Variants in ZNF787 observed in about 807,000 individuals in gnomAD.
ZNF787 encodes TTF-I-interacting peptide 20.
ZNF787 carries 7 observed loss-of-function variants against 16.9 expected under a neutral mutation model. The observed-to-expected ratio is 0.42, with a 90% CI of 0.24 to 0.78. The LOEUF (loss-of-function observed/expected upper bound fraction) is 0.78. Ranked by LOEUF, ZNF787 falls within the 30% of genes least tolerant of loss-of-function variation. ZNF787 has a pLI of 0.30. For missense variants in ZNF787, 551 were observed against 589.3 expected (o/e 0.94, Z 0.67); for synonymous variants, 345 against 270.9 (o/e 1.27, Z -2.69).
intron 2 of ZNF787, among the ~76,000 whole-genome samples, chr19:56,100,613 A>C (rs1185638576): frequency 2.6e-5 from 4 of 151,966 alleles, no homozygotes; most frequent in African/African-American, 7.2e-5. Flanking sequence ...AAAAGGGACC[A>C]CACACGCCAT....
chr19:56,101,034 T>C (rs111527235), intron 2 of ZNF787, among the ~76,000 whole-genome samples: 2 of 132,230 alleles, frequency 1.5e-5, no homozygotes. Flanking sequence ...CTACGAAGTC[T>C]GTCACTGTCA....
At chr19:56,112,200 A>C (rs1195771390) in intron 1 of ZNF787, among the ~76,000 whole-genome samples, 1 of 152,132 alleles carries the variant, frequency 6.6e-6, no homozygotes, top group African/African-American at 2.4e-5. Context: ...GCTCCCTAGG[A>C]GAAGGCCCCC....
intron 2 of ZNF787, among the ~76,000 whole-genome samples, chr19:56,092,753 G>A (rs1985675564): frequency 6.6e-6 from 1 of 150,872 alleles, no homozygotes; most frequent in Non-Finnish European, 1.5e-5. Flanking sequence ...GGATGACAGA[G>A]CTGGAATATC....
chr19:56,092,797 C>A (rs779488454), intron 2 of ZNF787, among the ~76,000 whole-genome samples: 5 of 151,706 alleles, frequency 3.3e-5, no homozygotes, highest in Non-Finnish European at 7.4e-5. Context: ...ACTGGGATAC[C>A]CCATAGACGC....
intron 1 of ZNF787, among the ~76,000 whole-genome samples, chr19:56,107,505 C>CCA (rs879905042): frequency 7.4e-6 from 1 of 135,234 alleles, no homozygotes; most frequent in African/African-American, 3.4e-5. Context: ...CACGGGGTCA[C>CCA]TGTGAGACAA....
chr19:56,100,639 C>T (rs1229075241), intron 2 of ZNF787, among the ~76,000 whole-genome samples: 3 of 151,684 alleles, frequency 2.0e-5, no homozygotes, highest in Non-Finnish European at 2.9e-5. Flanking sequence ...GGCCAACACC[C>T]GCCACCCCAC....
chr19:56,098,130 G>T (rs896965309), intron 2 of ZNF787, among the ~76,000 whole-genome samples: 2 of 152,050 alleles, frequency 1.3e-5, no homozygotes, highest in Non-Finnish European at 2.9e-5. Flanking sequence ...ATGTGCCAGG[G>T]GTTCCTGGCA....
intron 1 of ZNF787, among the ~76,000 whole-genome samples, chr19:56,115,613 A>G (rs2030111335): frequency 6.6e-6 from 1 of 150,960 alleles, no homozygotes; most frequent in South Asian, 2.1e-4. Flanking sequence ...TCACACCTGG[A>G]CTCGCGCAGC....
intron 1 of ZNF787, among the ~76,000 whole-genome samples, chr19:56,117,552 T>C (rs2123433730): frequency 6.6e-6 from 1 of 152,284 alleles, no homozygotes; most frequent in East Asian, 1.9e-4. Flanking sequence ...AGCCACAACG[T>C]AGGAGGCTGG....
chr19:56,108,596 T>G (rs1599954621), intron 1 of ZNF787, among the ~76,000 whole-genome samples: 1 of 151,982 alleles, frequency 6.6e-6, no homozygotes, highest in South Asian at 2.1e-4. Context: ...CGGCACCCTG[T>G]CATGTCAGGG....
intron 1 of ZNF787, among the ~76,000 whole-genome samples, chr19:56,109,163 A>G (rs1014183911): frequency 1.3e-5 from 2 of 152,166 alleles, no homozygotes; most frequent in Non-Finnish European, 2.9e-5. Context: ...ATAACAGGTA[A>G]TTACGTCTGT....
Position 56,089,011 on chromosome 19 carries a change from G to C in ZNF787, c.161C>G (p.Ala54Gly), listed in dbSNP as rs969705656. ...KLSPPQSAPP[A>G]GPPPRPRPPA... ...CGGCCGCGGCCGGGGAGGCGGGCCG[G>C]CTGGGGGCGCAGACTGGGGCGGGGA... Residue 54 changes from alanine to glycine, a missense_variant, in exon 3 of 3, where the codon GCC (alanine) becomes GGC (glycine). Ala to Gly is a moderately conservative substitution (Grantham distance 60). Transcript: ENST00000610935. 2.0e-6 allele frequency: 3 copies of C among 1,487,016 alleles called. No homozygotes were observed. Among genetic ancestry groups the C allele is most frequent in the Admixed American group, 4.9e-5 (2 of 40,468 alleles). The allele number at this position is 1,487,016 out of a possible 1,614,324, so 92.1% of individuals were successfully genotyped here. A position where few individuals can be genotyped will look rare whatever the true frequency, so the allele number is the denominator to read the frequency against.
intron 1 of ZNF787, among the ~76,000 whole-genome samples, chr19:56,109,506 C>G (rs142940888): frequency 1.3e-5 from 2 of 152,340 alleles, no homozygotes; most frequent in Non-Finnish European, 2.9e-5. Context: ...ATTTTAGTTA[C>G]TTTTTCACAG....
At chr19:56,117,491 C>T (rs1202336248) in intron 1 of ZNF787, among the ~76,000 whole-genome samples, 1 of 151,788 alleles carries the variant, frequency 6.6e-6, no homozygotes, top group Non-Finnish European at 1.5e-5. Flanking sequence ...TACAATCTCA[C>T]ACAGCCACAG....
At chr19:56,105,552 T>G (rs1319846472) in intron 1 of ZNF787, 1 of 151,986 alleles carries the variant, frequency 6.6e-6, no homozygotes, top group African/African-American at 2.4e-5. Context: ...GATTTGGGGC[T>G]TGGCTCCCCG....
chr19:56,105,945 C>T lies in ZNF787; in HGVS notation c.-10-2718G>A, dbSNP rs544363958. ...CTCCGCGCCCACGGCAGTCACCGCG[C>T]ATTCCCCCCTCCGCGCCCACGGCAG... On this transcript the variant is annotated intron_variant, in intron 1 of 2. Coordinates refer to ENST00000610935, the MANE Select transcript of ZNF787 (RefSeq NM_001002836.4). 1.2e-4 allele frequency among the ~76,000 whole-genome samples: 18 copies of T among 147,302 alleles called. No homozygotes were observed. In the South Asian group the frequency reaches 3.9e-3, roughly 32 times the overall value.
intron 2 of ZNF787, among the ~76,000 whole-genome samples, chr19:56,092,351 G>A (rs1459100058): frequency 6.6e-6 from 1 of 152,106 alleles, no homozygotes; most frequent in Non-Finnish European, 1.5e-5. Context: ...TCTCACTGAA[G>A]GACTCAGCTG....
chr19:56,110,070 A>C (rs2029934621), intron 1 of ZNF787, among the ~76,000 whole-genome samples: 1 of 152,110 alleles, frequency 6.6e-6, no homozygotes, highest in African/African-American at 2.4e-5. Flanking sequence ...ATTTTAAAAA[A>C]GCAAATGTTG....
chr19:56,121,148 A>ACGGCCC (rs1212368494), intron 1 of ZNF787, 24 bp downstream of exon 1: 3 of 77,118 alleles, frequency 3.9e-5, no homozygotes, highest in Non-Finnish European at 7.5e-5. Flanking sequence ...CCCCCAGCGC[A>ACGGCCC]CGGCCCCCGC....
Sources: gnomAD v4.1 joint callset for allele counts (sites outside exome capture counted in the v4.1 genomes callset) on GRCh38, gnomAD v4.1.1 for gene constraint, MANE v1.5 for transcripts, NCBI Gene and HGNC (gene_info 2026-07-23, HGNC 2026-07-21) for gene names.